Variants in MYLK observed in about 807,000 individuals in gnomAD.
MYLK encodes the protein myosin light chain kinase.
In MYLK, 106 loss-of-function variants were observed where a neutral mutation model predicts 203.4. That is an observed-to-expected ratio of 0.52 (90% confidence interval 0.45 to 0.61). MYLK has a LOEUF of 0.61. Ranked by LOEUF, MYLK falls within the 20% of genes least tolerant of loss-of-function variation. MYLK has a pLI of 0.00. For missense variants in MYLK, 2,072 were observed against 2,442.3 expected (o/e 0.85, Z 3.20); for synonymous variants, 867 against 959.5 (o/e 0.90, Z 1.78).
At chr3:123,639,144 A>G in intron 28 of MYLK, 2 of 800,700 alleles carry the variant, frequency 2.5e-6, no homozygotes, top group Non-Finnish European at 3.0e-6. Context: ...ACAGTGGCCT[A>G]TTTGTTTAAT....
At chr3:123,673,091 T>C (rs574162735) in intron 20 of MYLK, among the ~76,000 whole-genome samples, 35 of 152,228 alleles carry the variant, frequency 2.3e-4, no homozygotes, top group Admixed American at 4.6e-4. Flanking sequence ...AAATAAAATT[T>C]GTTGTAAAGA....
chr3:123,785,318 C>T (rs1474180245), intron 4 of MYLK, among the ~76,000 whole-genome samples: 1 of 152,216 alleles, frequency 6.6e-6, no homozygotes, highest in African/African-American at 2.4e-5. Flanking sequence ...AAAGTGACCA[C>T]CAGCTGTTGA....
chr3:123,706,848 C>T (rs1576658560), intron 16 of MYLK, among the ~76,000 whole-genome samples: 1 of 151,902 alleles, frequency 6.6e-6, no homozygotes, highest in East Asian at 1.9e-4. Context: ...CCTAGCAAGC[C>T]CTTGAAAAGG....
chr3:123,814,108 C>A (rs980844315), intron 3 of MYLK: 1 of 325,200 alleles, frequency 3.1e-6, no homozygotes, highest in South Asian at 3.0e-5. Context: ...GCCTGCCCTG[C>A]CTGTGTAGGC....
At chr3:123,718,717 G>T (rs1274312926) in intron 13 of MYLK, among the ~76,000 whole-genome samples, 3 of 152,142 alleles carry the variant, frequency 2.0e-5, no homozygotes, top group East Asian at 3.9e-4. Flanking sequence ...CCACTCACTG[G>T]CTTTTTCTCT....
At chr3:123,802,951 T>C (rs1024327059) in intron 3 of MYLK, among the ~76,000 whole-genome samples, 3 of 152,188 alleles carry the variant, frequency 2.0e-5, no homozygotes, top group Admixed American at 2.0e-4. Flanking sequence ...TCAAATACCA[T>C]GCCCCCCACT....
intron 2 of MYLK, among the ~76,000 whole-genome samples, chr3:123,855,507 C>A (rs1398150654): frequency 1.3e-5 from 2 of 151,734 alleles, no homozygotes; most frequent in South Asian, 4.2e-4. Context: ...CAGGCTGGAG[C>A]ATGAGCCTGT....
At chr3:123,728,968 C>T (rs533420409) in intron 11 of MYLK, among the ~76,000 whole-genome samples, 8 of 152,214 alleles carry the variant, frequency 5.3e-5, no homozygotes, top group Non-Finnish European at 8.8e-5. Flanking sequence ...CAATATCATT[C>T]GGAGCTAACA....
intron 14 of MYLK, chr3:123,709,134 A>G (rs766989528): frequency 1.2e-4 from 21 of 171,842 alleles, no homozygotes; most frequent in Non-Finnish European, 2.1e-4. Context: ...TTCTCACATA[A>G]TTTTTTTTTT....
intron 16 of MYLK, among the ~76,000 whole-genome samples, chr3:123,704,197 G>A (rs549227608): frequency 3.5e-4 from 53 of 152,348 alleles, no homozygotes; most frequent in Admixed American, 1.9e-3. Flanking sequence ...ATCACCTGGT[G>A]GCAGGGCAAT....
chr3:123,613,715 C>A lies in MYLK; in HGVS notation c.*390G>T, dbSNP rs908565148. The A allele has an allele frequency of 4.1e-6, 1 of 244,148 alleles. No homozygotes were observed. Among genetic ancestry groups the A allele is most frequent in the Non-Finnish European group, 8.1e-6 (1 of 124,098 alleles). The allele number at this position is 244,148 out of a possible 1,614,324, so 15.1% of individuals were successfully genotyped here. On this transcript the variant is annotated 3_prime_UTR_variant, in exon 34 of 34. Coordinates refer to ENST00000360304, the MANE Select transcript of MYLK (RefSeq NM_053025.4). ...GAGAGAGGCCTCCCATCCCCAGGAA[C>A]CCTCTGGGCTGAGCTGTGGCCCAGA...
chr3:123,639,665 A>G (rs2108104500), intron 28 of MYLK, among the ~76,000 whole-genome samples: 1 of 152,306 alleles, frequency 6.6e-6, no homozygotes, highest in East Asian at 1.9e-4. Context: ...CCTGGCTAGC[A>G]TAAGAATCAG....
intron 11 of MYLK, among the ~76,000 whole-genome samples, chr3:123,727,330 G>T (rs898570409): frequency 6.6e-6 from 1 of 152,294 alleles, no homozygotes; most frequent in Admixed American, 6.5e-5. Flanking sequence ...CCCTTGGCCA[G>T]TGTTGAACTC....
intron 2 of MYLK, among the ~76,000 whole-genome samples, chr3:123,875,632 G>T (rs1328531216): frequency 2.6e-5 from 4 of 152,154 alleles, no homozygotes; most frequent in Non-Finnish European, 5.9e-5. Flanking sequence ...ATTAAAACAG[G>T]TGAATTTTAC....
chr3:123,649,329 G>T, intron 24 of MYLK, 135 bp from the exon 25 acceptor site: 1 of 1,140,388 alleles, frequency 8.8e-7, no homozygotes, highest in Non-Finnish European at 1.3e-6. Flanking sequence ...AGAGCTCTGG[G>T]CATCCCCTGG....
At chr3:123,626,009 T>G (rs1320134315) in intron 31 of MYLK, among the ~76,000 whole-genome samples, 3 of 152,188 alleles carry the variant, frequency 2.0e-5, no homozygotes, top group African/African-American at 7.2e-5. Context: ...CTTCTGCTTA[T>G]TAGCTGTGTG....
At chr3:123,807,519 C>T (rs1473924421) in intron 3 of MYLK, among the ~76,000 whole-genome samples, 1 of 152,070 alleles carries the variant, frequency 6.6e-6, no homozygotes, top group East Asian at 1.9e-4. Context: ...GTATTGATAT[C>T]CCCTTAGATT....
intron 2 of MYLK, among the ~76,000 whole-genome samples, chr3:123,859,974 A>C (rs2031751244): frequency 6.6e-6 from 1 of 152,082 alleles, no homozygotes; most frequent in Admixed American, 6.5e-5. Flanking sequence ...AGAAAAAAAA[A>C]AAACTCCCCC....
chr3:123,711,953 C>G (rs1005766218), intron 13 of MYLK, among the ~76,000 whole-genome samples: 1 of 152,194 alleles, frequency 6.6e-6, no homozygotes. Flanking sequence ...CTGTAGAACT[C>G]TCCTAGCCCA....
Sources: allele counts gnomAD v4.1 joint callset (sites outside exome capture counted in the v4.1 genomes callset), GRCh38; gene constraint gnomAD v4.1.1; transcripts MANE v1.5; gene names NCBI Gene and HGNC (gene_info 2026-07-23, HGNC 2026-07-21).